The following ABCC10 variants were observed in gnomAD, a reference collection of about 807,000 sequenced individuals.
ABCC10 encodes ATP binding cassette subfamily C member 10, also known as ATP-binding cassette sub-family C member 10.
ABCC10 carries 110 observed loss-of-function variants against 143.2 expected under a neutral mutation model. The ratio of observed to expected loss-of-function variants is 0.77; its 90% CI spans 0.66 to 0.90. The LOEUF (loss-of-function observed/expected upper bound fraction) is 0.90, where lower values mean the gene tolerates loss of function less well. Ranked by LOEUF, ABCC10 falls within the 40% of genes least tolerant of loss-of-function variation. The probability of loss-of-function intolerance (pLI) is 0.00; values close to 1 mark genes in which losing one functional copy is unlikely to be tolerated. For synonymous variants in ABCC10, 805 were observed against 846.7 expected (o/e 0.95, Z 0.85); for missense variants, 1,700 against 1,900.5 (o/e 0.89, Z 1.96).
At chr6:43,440,315 A>G (rs1782257334) in intron 8 of ABCC10, among the ~76,000 whole-genome samples, 1 of 152,176 alleles carries the variant, frequency 6.6e-6, no homozygotes, top group South Asian at 2.1e-4. Context: ...TTGTGGCCTC[A>G]GGAATGGGCT....
intron 9 of ABCC10, 56 bp from the exon 10 acceptor site, chr6:43,442,914 T>A: frequency 1.4e-6 from 2 of 1,442,556 alleles, no homozygotes; most frequent in South Asian, 1.4e-5. Flanking sequence ...CACTTTGAGA[T>A]CTTCTCCGGA....
At chr6:43,439,041 G>T (rs1782048339) in intron 8 of ABCC10, among the ~76,000 whole-genome samples, 1 of 152,156 alleles carries the variant, frequency 6.6e-6, no homozygotes, top group East Asian at 1.9e-4. Flanking sequence ...AGCTAGGGAG[G>T]GTTCCACCTG....
intron 3 of ABCC10, 181 bp from the exon 4 acceptor site, chr6:43,434,440 T>G: frequency 1.7e-6 from 1 of 595,920 alleles, no homozygotes. Context: ...CTGAAAAGGA[T>G]TTGAAGGGCA....
intron 3 of ABCC10, 147 bp downstream of exon 3, chr6:43,433,507 C>T (rs1036691662): frequency 2.7e-5 from 37 of 1,378,794 alleles, no homozygotes; most frequent in Non-Finnish European, 3.1e-5. Flanking sequence ...GGGTTCAAAT[C>T]CTGGCTCTAC....
Position 43,433,243 on chromosome 6 carries a change from G to A in ABCC10, c.1263G>A (p.Val421=). ...TLYLLYQQVG[V]AFVGGLILAL... is the part of the protein sequence containing the mutation. Reference sequence around the variant, plus strand: ...ACCTGCTGTACCAGCAGGTAGGCGTGGCCTTCGTGGGTGGTCTCATCTTGG... The same window carrying A: ...ACCTGCTGTACCAGCAGGTAGGCGTAGCCTTCGTGGGTGGTCTCATCTTGG... The change falls in exon 3 of 22, where the codon GTG becomes GTA. Residue 421 remains valine, a synonymous_variant. Coordinates refer to ENST00000372530, the MANE Select transcript of ABCC10 (RefSeq NM_001198934.2). The A allele has an allele frequency of 6.2e-7, 1 of 1,614,190 alleles. No individual in the cohort carries two copies. Among genetic ancestry groups the A allele is most frequent in the East Asian group, 2.2e-5 (1 of 44,886 alleles).
chr6:43,436,043 G>A (rs1269160631), intron 5 of ABCC10, 95 bp from the exon 6 acceptor site: 1 of 1,604,550 alleles, frequency 6.2e-7, no homozygotes, highest in Non-Finnish European at 8.5e-7. Context: ...CTTTGGGCAG[G>A]TAGATATGGG....
chr6:43,439,593 T>C (rs1013102199), intron 8 of ABCC10, among the ~76,000 whole-genome samples: 2 of 151,910 alleles, frequency 1.3e-5, no homozygotes, highest in African/African-American at 2.4e-5. Flanking sequence ...TTGTTTTGTT[T>C]TGTGTTTTTG....
In ABCC10 at chr6:43,435,031, G is replaced by A. The variant is rs369711657; in HGVS notation, c.1608+183G>A. ...TTGGATATATAACCCTCCCCTCTGTGAAGGAGTTCCTTTCTTTCCTCTCCT... is the reference window on the plus strand; with the variant it reads ...TTGGATATATAACCCTCCCCTCTGTAAAGGAGTTCCTTTCTTTCCTCTCCT... On this transcript the variant is annotated intron_variant, in intron 4 of 21. Transcript: ENST00000372530. 420 of 616,458 alleles carry A rather than the reference G, an allele frequency of 6.8e-4. 2 individuals carry two copies. In the South Asian group the frequency reaches 8.3e-3, roughly 12 times the overall value. 38.2% of individuals were successfully genotyped at this position (616,458 alleles called of 1,614,324 possible). A position where few individuals can be genotyped will look rare whatever the true frequency, so the allele number is the denominator to read the frequency against.
At chr6:43,442,021 C>T in intron 9 of ABCC10, 61 bp downstream of exon 9, 2 of 1,461,726 alleles carry the variant, frequency 1.4e-6, no homozygotes, top group Non-Finnish European at 1.9e-6. Context: ...GCCTTGGGAA[C>T]TTGGCTGAGT....
In ABCC10 at chr6:43,434,706, G is replaced by A. The variant is rs746355783; in HGVS notation, c.1466G>A (p.Arg489Gln). The A allele has an allele frequency of 1.2e-5, 19 of 1,614,042 alleles. No homozygotes were observed. The highest frequency in any genetic ancestry group is 4.4e-5 in the South Asian group (4 of 91,084). The change falls in exon 4 of 22, where the codon CGG becomes CAG. Residue 489 changes from arginine to glutamine, a missense_variant. Coordinates refer to ENST00000372530, the MANE Select transcript of ABCC10 (RefSeq NM_001198934.2). Reference sequence around the variant, plus strand: ...CTGGGAGCCCGAGTAGAGGCCTGCCGGGCTCGAGAGCTGGGGCGACTCCGG... The same window carrying A: ...CTGGGAGCCCGAGTAGAGGCCTGCCAGGCTCGAGAGCTGGGGCGACTCCGG... ...QALGARVEAC[R>Q]ARELGRLRVI...
chr6:43,451,246 G>C, downstream of ABCC10: 1 of 1,614,100 alleles, frequency 6.2e-7, no homozygotes, highest in Non-Finnish European at 8.5e-7. The surrounding 1 kb of genome is among the most constrained non-coding windows in gnomAD (Gnocchi z 4.4). Flanking sequence ...TGGTCGTCCT[G>C]GCACTGCCCG....
chr6:43,444,144 C>T lies in ABCC10; in HGVS notation c.2495-15C>T, dbSNP rs1242247943. On this transcript the variant is annotated splice_polypyrimidine_tract_variant and intron_variant, in intron 11 of 21. Coordinates refer to ENST00000372530, the MANE Select transcript of ABCC10 (RefSeq NM_001198934.2). ...CCTGCAAGCTTAATTCTTCCATGAC[C>T]CCTGATTCTCACAGCCACAGCCCAG... The T allele has an allele frequency of 1.9e-6, 3 of 1,611,234 alleles. No individual in the cohort carries two copies. In the South Asian group the frequency reaches 3.3e-5, roughly 18 times the overall value.
At chr6:43,438,897 C>T (rs981186785) in intron 8 of ABCC10, 102 bp downstream of exon 8, 26 of 1,399,344 alleles carry the variant, frequency 1.9e-5, no homozygotes, top group Middle Eastern at 2.1e-4. Flanking sequence ...TGCTTCTACT[C>T]GGGCATCACT....
In ABCC10 at chr6:43,446,994, C is replaced by T. The variant is rs1345997665; in HGVS notation, c.3545-254C>T. The T allele has an allele frequency of 7.3e-6, 5 of 683,426 alleles. No homozygotes were observed. In the Admixed American group the frequency reaches 1.3e-4, roughly 18 times the overall value. 42.3% of individuals were successfully genotyped at this position (683,426 alleles called of 1,614,324 possible). A position where few individuals can be genotyped will look rare whatever the true frequency, so the allele number is the denominator to read the frequency against. On this transcript the variant is annotated intron_variant, in intron 16 of 21. Coordinates refer to ENST00000372530, the MANE Select transcript of ABCC10 (RefSeq NM_001198934.2). ...TCCCAAGTAGCTGGGATTACAGGCG[C>T]CTGCCACCACGCCCAGCTAATTTTT...
Position 43,435,752 on chromosome 6 carries a change from T to C in ABCC10, c.1610T>C (p.Val537Ala), listed in dbSNP as rs1445660235. Residue 537 changes from valine (V) to alanine (A), a missense_variant and splice_region_variant, in exon 5 of 22, where the codon GTG (valine) becomes GCG (alanine). By Grantham distance (64) the Val-to-Ala change is moderately conservative. Coordinates refer to ENST00000372530, the MANE Select transcript of ABCC10 (RefSeq NM_001198934.2). ...TCACCCTGCACCCACCTCACTCAGG[T>C]GTTCACGGCCCTGGCACTGGTGCGA... ...LMGHQLTATKVFTALALVRML... is the reference protein window; with the variant it reads ...LMGHQLTATKAFTALALVRML... The C allele has an allele frequency of 6.8e-6, 11 of 1,613,914 alleles. No homozygotes were observed. Among genetic ancestry groups the C allele is most frequent in the Admixed American group, 5.0e-5 (3 of 59,978 alleles).
At chr6:43,450,598 C>T, downstream of ABCC10, 1 of 1,597,016 alleles carries the variant, frequency 6.3e-7, no homozygotes, top group East Asian at 2.2e-5. This position sits in a 1 kb window ranked among gnomAD's most constrained non-coding sequence, Gnocchi z 4.5. Context: ...GGGAGCCCTG[C>T]TGGCAGCATG....
chr6:43,450,685 C>T (rs1783664834), downstream of ABCC10: 3 of 1,613,850 alleles, frequency 1.9e-6, no homozygotes, highest in Admixed American at 3.3e-5. This position sits in a 1 kb window ranked among gnomAD's most constrained non-coding sequence, Gnocchi z 4.5. Flanking sequence ...GGGGGGCAGA[C>T]ACCCCGGCGC....
At position 43,450,223 on chromosome 6, in the gene ABCC10, C is replaced by A; in HGVS notation, c.*132C>A. ...CACACTTCCCCAGAAGGGAAAAGGG[C>A]ACCCTGGATTACTCTTTGGAAATCA... On this transcript the variant is annotated 3_prime_UTR_variant, in exon 22 of 22. Coordinates refer to ENST00000372530, the MANE Select transcript of ABCC10 (RefSeq NM_001198934.2). This position sits in a 1 kb window ranked among gnomAD's most constrained non-coding sequence, Gnocchi z 4.5. 8.6e-7 allele frequency: 1 copy of A among 1,156,160 alleles called. No individual in the cohort carries two copies. The highest frequency in any genetic ancestry group is 1.2e-6 in the Non-Finnish European group (1 of 826,150). The allele number at this position is 1,156,160 out of a possible 1,614,324, so 71.6% of individuals were successfully genotyped here. A position where few individuals can be genotyped will look rare whatever the true frequency, so the allele number is the denominator to read the frequency against.
Position 43,450,301 on chromosome 6 carries a change from G to T in ABCC10, c.*210G>T. ...TCCCCAGAACCAGGCCTCTGCTCTGGCCCTCTTGCATCTGGAACGCCAGGT... is the reference window on the plus strand; with the variant it reads ...TCCCCAGAACCAGGCCTCTGCTCTGTCCCTCTTGCATCTGGAACGCCAGGT... On this transcript the variant is annotated 3_prime_UTR_variant, in exon 22 of 22. Transcript: ENST00000372530. The surrounding 1 kb of genome is among the most constrained non-coding windows in gnomAD (Gnocchi z 4.5). 2 of 826,534 alleles carry T rather than the reference G, an allele frequency of 2.4e-6. No homozygotes were observed. Among genetic ancestry groups the T allele is most frequent in the Non-Finnish European group, 3.6e-6 (2 of 558,506 alleles). The allele number at this position is 826,534 out of a possible 1,614,324, so 51.2% of individuals were successfully genotyped here. A position where few individuals can be genotyped will look rare whatever the true frequency, so the allele number is the denominator to read the frequency against.
Sources: gnomAD v4.1 joint callset for allele counts (sites outside exome capture counted in the v4.1 genomes callset) on GRCh38, gnomAD v4.1.1 for gene constraint, Gnocchi (gnomAD v3.1) non-coding constraint, MANE v1.5 for transcripts, NCBI Gene and HGNC (gene_info 2026-07-23, HGNC 2026-07-21) for gene names.